FAXC: variants seen among roughly 807,000 people sequenced by gnomAD.
FAXC encodes the protein failed axon connections homolog, metaxin like GST domain containing.
FAXC carries 10 observed loss-of-function variants against 41.9 expected under a neutral mutation model. The observed-to-expected ratio is 0.24, with a 90% CI of 0.15 to 0.41. FAXC has a LOEUF of 0.41. FAXC is among the 10% of genes least tolerant of loss of function. FAXC has a pLI of 1.00. For synonymous variants in FAXC, 183 were observed against 183.8 expected, an observed-to-expected ratio of 1.00 and a Z score of 0.03; for missense variants, 399 against 510.9, an observed-to-expected ratio of 0.78 and a Z score of 2.11.
chr6:99,316,413 C>T (rs1772357120), intron 4 of FAXC, among the ~76,000 whole-genome samples: 2 of 150,152 alleles, frequency 1.3e-5, no homozygotes, highest in African/African-American at 5.1e-5. Context: ...TACAAGAGTC[C>T]AGCCTTGTCT....
intron 5 of FAXC, among the ~76,000 whole-genome samples, chr6:99,288,162 G>A (rs1040120531): frequency 6.6e-6 from 1 of 152,168 alleles, no homozygotes; most frequent in African/African-American, 2.4e-5. Flanking sequence ...CATCATTTCT[G>A]AAAGAAAAAA....
chr6:99,336,555 CTGA>C (rs1174658128), intron 2 of FAXC, among the ~76,000 whole-genome samples: 6 of 152,176 alleles, frequency 3.9e-5, no homozygotes, highest in Non-Finnish European at 7.4e-5. Context: ...TTTTTCCAAG[CTGA>C]TGTTTCCTTC....
chr6:99,290,580 T>G (rs1007064079), intron 5 of FAXC, among the ~76,000 whole-genome samples: 1 of 151,464 alleles, frequency 6.6e-6, no homozygotes, highest in Non-Finnish European at 1.5e-5. Flanking sequence ...TGCACTCCTG[T>G]AATCCCAGCT....
Position 99,349,283 on chromosome 6 carries a change from G to A in FAXC, c.90C>T (p.Ala30=). ...NQSISFFGWW[A]GSEEPFSFYG... is the part of the protein sequence containing the mutation. ...AAAAGGAGAAGGGCTCCTCGGACCC[G>A]GCCCACCAGCCGAAGAAGGAGATGC... Residue 30 remains alanine (A), a synonymous_variant, in exon 1 of 6, where the codon GCC becomes GCT. Coordinates refer to ENST00000389677, the MANE Select transcript of FAXC (RefSeq NM_032511.4). 6.2e-7 allele frequency: 1 copy of A among 1,613,442 alleles called. No individual in the cohort carries two copies. Among genetic ancestry groups the A allele is most frequent in the East Asian group, 2.2e-5 (1 of 44,880 alleles).
rs57370118 is a variant in FAXC at position 99,319,398 on chromosome 6, CAAAAAAAAAAAAA to C, written c.823+4033_823+4045del. Among the ~76,000 whole-genome samples, 94 of 47,654 alleles carry C rather than the reference CAAAAAAAAAAAAA, an allele frequency of 2.0e-3. 1 individual carries two copies. The highest frequency in any genetic ancestry group is 5.8e-3 in the African/African-American group (90 of 15,622). 31.3% of individuals were successfully genotyped at this position (47,654 alleles called of 152,430 possible). On this transcript the variant is annotated intron_variant, in intron 4 of 5. Transcript: ENST00000389677. ...TGGGCGACAGAGCGAGACTCCGTCT[CAAAAAAAAAAAAA>C]AAAAAAAAAAAGCAAACCCTCCAAC...
chr6:99,301,362 T>C (rs897091643), intron 4 of FAXC, among the ~76,000 whole-genome samples: 8 of 152,242 alleles, frequency 5.3e-5, no homozygotes, highest in African/African-American at 1.9e-4. Context: ...CGAATGTGCT[T>C]GTCTCTGTGC....
intron 4 of FAXC, among the ~76,000 whole-genome samples, chr6:99,297,528 T>C (rs771991850): frequency 1.3e-5 from 2 of 152,048 alleles, no homozygotes; most frequent in Non-Finnish European, 2.9e-5. Flanking sequence ...GAGAGCCACA[T>C]GCCCCTGAAA....
intron 4 of FAXC, among the ~76,000 whole-genome samples, chr6:99,300,083 G>C (rs140713539): frequency 0.018 from 2,722 of 151,640 alleles, 33 homozygotes; most frequent in Non-Finnish European, 0.025. Flanking sequence ...GAACTATCTC[G>C]ACACCTTCCT....
intron 4 of FAXC, among the ~76,000 whole-genome samples, chr6:99,299,477 T>C (rs151161489): frequency 6.6e-6 from 1 of 152,338 alleles, no homozygotes; most frequent in African/African-American, 2.4e-5. Flanking sequence ...GGGCTCCCTA[T>C]ACCTGAGCAC....
intron 5 of FAXC, among the ~76,000 whole-genome samples, chr6:99,290,474 G>A (rs1277812661): frequency 6.6e-6 from 1 of 151,924 alleles, no homozygotes; most frequent in African/African-American, 2.4e-5. Context: ...GGCCGAGGTG[G>A]GCAGATCACT....
chr6:99,291,268 C>T (rs569600849), intron 5 of FAXC, among the ~76,000 whole-genome samples: 2 of 152,254 alleles, frequency 1.3e-5, no homozygotes, highest in Admixed American at 1.3e-4. Context: ...CCAGTGAGTT[C>T]ATCAGCGTCA....
rs1274532305 is a variant in FAXC at position 99,274,422 on chromosome 6, AATTTTGAC to A, written c.*6734_*6741del. 1 of 152,034 alleles carries A rather than the reference AATTTTGAC, an allele frequency of 6.6e-6. No individual in the cohort carries two copies. The highest frequency in any genetic ancestry group is 1.5e-5 in the Non-Finnish European group (1 of 68,002). 9.4% of individuals were successfully genotyped at this position (152,034 alleles called of 1,614,324 possible). ...ACAGCCATACCACATGGTTGCTTGA[AATTTTGAC>A]ATTTGTTACTGTTTTCTTCTCTCCT... On this transcript the variant is annotated 3_prime_UTR_variant, in exon 6 of 6. Coordinates refer to ENST00000389677, the MANE Select transcript of FAXC (RefSeq NM_032511.4).
chr6:99,288,859 T>TACACATACACACACACACAC (rs1771122287), intron 5 of FAXC, among the ~76,000 whole-genome samples: 1 of 145,736 alleles, frequency 6.9e-6, no homozygotes, highest in Non-Finnish European at 1.5e-5. Flanking sequence ...CACACACACA[T>TACACATACACACACACACAC]ACACACACAC....
chr6:99,289,817 T>C (rs960564310), intron 5 of FAXC, among the ~76,000 whole-genome samples: 11 of 151,854 alleles, frequency 7.2e-5, no homozygotes, highest in African/African-American at 2.7e-4. Flanking sequence ...AACACTTACA[T>C]TAACCTACAG....
chr6:99,337,717 G>T (rs886951924), intron 2 of FAXC, among the ~76,000 whole-genome samples: 3 of 152,046 alleles, frequency 2.0e-5, no homozygotes, highest in African/African-American at 7.2e-5. Flanking sequence ...AAAATAAAAA[G>T]ATTTTAAAAT....
intron 4 of FAXC, among the ~76,000 whole-genome samples, chr6:99,318,297 ACACACACAC>A: frequency 6.8e-6 from 1 of 146,752 alleles, no homozygotes. Flanking sequence ...ACACACACAC[ACACACACAC>A]AAAATAGAAG....
upstream of FAXC, chr6:99,349,948 C>G (rs1234802167): frequency 6.6e-6 from 1 of 152,150 alleles, no homozygotes; most frequent in African/African-American, 2.4e-5. Context: ...TCCCCTACCC[C>G]GGCCGGCCCT....
intron 4 of FAXC, among the ~76,000 whole-genome samples, chr6:99,298,741 A>G (rs1771588647): frequency 1.3e-5 from 2 of 152,248 alleles, no homozygotes; most frequent in Non-Finnish European, 2.9e-5. Flanking sequence ...GAGAGCTATA[A>G]TAGTGATTAA....
intron 4 of FAXC, among the ~76,000 whole-genome samples, chr6:99,319,937 A>G (rs1468227831): frequency 6.6e-6 from 1 of 152,224 alleles, no homozygotes; most frequent in African/African-American, 2.4e-5. Flanking sequence ...TATCAGCTAC[A>G]TAATCTCCTA....
Sources: gnomAD v4.1 joint callset for allele counts (sites outside exome capture counted in the v4.1 genomes callset) on GRCh38, gnomAD v4.1.1 for gene constraint, MANE v1.5 for transcripts, NCBI Gene and HGNC (gene_info 2026-07-23, HGNC 2026-07-21) for gene names.